The following SAMMSON variants were observed in gnomAD, a reference collection of about 807,000 sequenced individuals.
The protein encoded by SAMMSON is long intergenic non-protein coding RNA 1212.
rs1701429738 is a variant in SAMMSON, at chr3:70,217,809, TTC to T, written n.508-31296_508-31295del. The stretch of plus-strand genomic sequence containing the variant: ...CATTGAACCTGGTTTATTTAGCTAG[TTC>T]TGTCTCTGAGTTATGAGGGCTTGGG... On this transcript the variant is annotated intron_variant and non_coding_transcript_variant, in intron 4 of 9. Transcript: ENST00000642114. 2.0e-5 allele frequency among the ~76,000 whole-genome samples: 3 copies of T among 152,156 alleles called. No homozygotes were observed. The South Asian group carries it at 6.2e-4, about 31-fold the overall frequency.
At chr3:70,125,350 A>T in intron 4 of SAMMSON, 1 of 1,456,340 alleles carries the variant, frequency 6.9e-7, no homozygotes, top group Non-Finnish European at 9.4e-7. Flanking sequence ...AATTCTTTAC[A>T]TAAATTCTAC....
chr3:70,162,707 T>C (rs2067621064), intron 4 of SAMMSON, among the ~76,000 whole-genome samples: 1 of 151,946 alleles, frequency 6.6e-6, no homozygotes, highest in Admixed American at 6.6e-5. Flanking sequence ...TGTCTAATTG[T>C]TCTATCAGTT....
intron 2 of SAMMSON, among the ~76,000 whole-genome samples, chr3:70,426,411 A>G (rs1297617917): frequency 1.8e-4 from 28 of 152,244 alleles, no homozygotes; most frequent in Non-Finnish European, 5.9e-5. Context: ...CATTTTGAGG[A>G]GACAACCTAT....
chr3:70,300,351 G>A (rs1333697570), intron 7 of SAMMSON, among the ~76,000 whole-genome samples: 1 of 151,862 alleles, frequency 6.6e-6, no homozygotes, highest in Non-Finnish European at 1.5e-5. Context: ...TTATACAGAC[G>A]TTTATTATAG....
chr3:70,007,615 G>GTT (rs960158585), intron 1 of SAMMSON, among the ~76,000 whole-genome samples: 39 of 148,402 alleles, frequency 2.6e-4, no homozygotes, highest in African/African-American at 9.1e-4. Context: ...TCTGATTGTA[G>GTT]TTTTTTTTTT....
intron 4 of SAMMSON, among the ~76,000 whole-genome samples, chr3:70,123,994 A>G (rs2067445475): frequency 6.6e-6 from 1 of 152,232 alleles, no homozygotes; most frequent in African/African-American, 2.4e-5. Context: ...GCCTCTGAAC[A>G]GATTGGGCGG....
At chr3:70,168,926 G>A (rs1026149717) in intron 4 of SAMMSON, among the ~76,000 whole-genome samples, 2 of 151,874 alleles carry the variant, frequency 1.3e-5, no homozygotes, top group South Asian at 2.1e-4. Context: ...TTCTGTGTTT[G>A]TTAGTTTCCA....
chr3:70,192,063 C>T (rs995105322), intron 4 of SAMMSON, among the ~76,000 whole-genome samples: 3 of 152,064 alleles, frequency 2.0e-5, no homozygotes, highest in Non-Finnish European at 4.4e-5. Flanking sequence ...CCACCCCTAA[C>T]TATATACTAA....
intron 2 of SAMMSON, among the ~76,000 whole-genome samples, chr3:70,434,584 C>T (rs926563003): frequency 1.3e-5 from 2 of 150,918 alleles, no homozygotes; most frequent in Admixed American, 1.3e-4. Context: ...TTTTTTCCTT[C>T]CCAAACTATG....
chr3:70,105,071 C>A (rs992962508), intron 4 of SAMMSON, among the ~76,000 whole-genome samples: 1 of 152,048 alleles, frequency 6.6e-6, no homozygotes, highest in African/African-American at 2.4e-5. Flanking sequence ...ATATATAGAA[C>A]CTTACTCAGG....
At chr3:70,358,309 C>T (rs1226015144) in exon 9 of SAMMSON, 1 of 152,132 alleles carries the variant, frequency 6.6e-6, no homozygotes, top group Non-Finnish European at 1.5e-5. Context: ...GCTCCATGTT[C>T]AGTGACTTCA....
At chr3:70,150,379 C>T (rs1356965421) in intron 4 of SAMMSON, among the ~76,000 whole-genome samples, 1 of 151,982 alleles carries the variant, frequency 6.6e-6, no homozygotes, top group Non-Finnish European at 1.5e-5. Context: ...AAATACAGTT[C>T]GTATGTTTCT....
At chr3:70,077,015 A>T (rs940879978) in intron 4 of SAMMSON, among the ~76,000 whole-genome samples, 1 of 152,166 alleles carries the variant, frequency 6.6e-6, no homozygotes, top group African/African-American at 2.4e-5. Context: ...CATTTTGTAC[A>T]TTACAGCTCT....
At position 70,106,065 on chromosome 3, in the gene SAMMSON, A is replaced by G. The variant is rs76780400; in HGVS notation, n.507+34500A>G. On this transcript the variant is annotated intron_variant and non_coding_transcript_variant, in intron 4 of 9. Coordinates refer to ENST00000642114, the Ensembl canonical transcript of SAMMSON. ...GCAAGAAACAGTGATTTGAGATGGT[A>G]TTTTAATTCCTTTTAATTCTTGTTT... 9.1e-3 allele frequency among the ~76,000 whole-genome samples: 1,390 copies of G among 152,292 alleles called. 19 individuals carry two copies. The highest frequency in any genetic ancestry group is 0.032 in the African/African-American group (1,314 of 41,556).
chr3:70,366,492 G>GTTTTTTTTTTTTTTTTTTTTTTTTGTTTT, intron 9 of SAMMSON, among the ~76,000 whole-genome samples: 1 of 100,758 alleles, frequency 9.9e-6, no homozygotes, highest in Non-Finnish European at 2.1e-5. Context: ...GTGTTTTTAT[G>GTTTTTTTTTTTTTTTTTTTTTTTTGTTTT]TTTTTTTTTT....
intron 2 of SAMMSON, among the ~76,000 whole-genome samples, chr3:70,398,443 C>G (rs1450661391): frequency 6.6e-6 from 1 of 152,146 alleles, no homozygotes; most frequent in African/African-American, 2.4e-5. Context: ...ATAAAAATTT[C>G]TAAAGCACTG....
chr3:70,236,318 A>G (rs536837887), intron 4 of SAMMSON, among the ~76,000 whole-genome samples: 54 of 152,222 alleles, frequency 3.5e-4, no homozygotes, highest in South Asian at 2.1e-4. Context: ...AAGAATGATT[A>G]TCTCCCCTTA....
At chr3:70,137,974 G>A (rs554105613) in intron 4 of SAMMSON, among the ~76,000 whole-genome samples, 5 of 152,092 alleles carry the variant, frequency 3.3e-5, no homozygotes, top group South Asian at 4.2e-4. Flanking sequence ...ATGTTGTTCT[G>A]AGTTGCTATT....
intron 4 of SAMMSON, among the ~76,000 whole-genome samples, chr3:70,123,881 A>C (rs2067445029): frequency 6.6e-6 from 1 of 152,222 alleles, no homozygotes; most frequent in African/African-American, 2.4e-5. Flanking sequence ...ATTTTAAGGT[A>C]TCAGAATGAA....
Sources: allele counts gnomAD v4.1 joint callset (sites outside exome capture counted in the v4.1 genomes callset), GRCh38; gene constraint gnomAD v4.1.1; transcripts MANE v1.5; gene names NCBI Gene and HGNC (gene_info 2026-07-23, HGNC 2026-07-21).